ST8SIA6: variants seen among roughly 807,000 people sequenced by gnomAD.
The protein encoded by ST8SIA6 is ST8 alpha-N-acetyl-neuraminide alpha-2,8-sialyltransferase 6.
ST8SIA6 carries 39 observed loss-of-function variants against 33.6 expected under a neutral mutation model. The observed-to-expected ratio is 1.16, with a 90% CI of 0.90 to 1.52. ST8SIA6 has a LOEUF of 1.52. ST8SIA6 is among the 40% of genes most tolerant of loss of function. The pLI, the probability that ST8SIA6 is intolerant of heterozygous loss-of-function variation, is 0.00. For missense variants in ST8SIA6, 441 were observed against 443.8 expected (o/e 0.99, Z 0.06); for synonymous variants, 172 against 167.2 (o/e 1.03, Z -0.22).
chr10:17,418,854 G>T (rs75529707), intron 2 of ST8SIA6, among the ~76,000 whole-genome samples: 1 of 151,908 alleles, frequency 6.6e-6, no homozygotes, highest in Admixed American at 6.6e-5. Flanking sequence ...TTAGCCAAGC[G>T]TGGTGGCAGG....
rs1391420691 is a variant in ST8SIA6 at position 17,407,297 on chromosome 10, A to G, written c.201-16677T>C. 2.0e-5 allele frequency among the ~76,000 whole-genome samples: 3 copies of G among 152,186 alleles called. No individual in the cohort carries two copies. The East Asian group carries it at 5.8e-4, about 29-fold the overall frequency. ...CAGGAACTTGGGGCGGCCCCTGTCC[A>G]GTTCAAACCAGCTGAGACCACCAAC... is the stretch of plus-strand genomic sequence containing the variant. On this transcript the variant is annotated intron_variant, in intron 2 of 7. Coordinates refer to ENST00000377602, the MANE Select transcript of ST8SIA6 (RefSeq NM_001004470.3).
chr10:17,328,243 A>C (rs1848195094), intron 5 of ST8SIA6, among the ~76,000 whole-genome samples: 1 of 152,224 alleles, frequency 6.6e-6, no homozygotes, highest in African/African-American at 2.4e-5. Context: ...CTTCAGGCTC[A>C]GTAAGGCATT....
At chr10:17,414,397 C>T (rs909196061) in intron 2 of ST8SIA6, among the ~76,000 whole-genome samples, 1 of 152,200 alleles carries the variant, frequency 6.6e-6, no homozygotes, top group East Asian at 1.9e-4. Flanking sequence ...CTGCTGATGA[C>T]CTCACTTCAT....
rs1388617932 is a variant in ST8SIA6, at chr10:17,316,496, C to A, written c.*4382G>T. The stretch of plus-strand genomic sequence containing the variant: ...TTAATACTTGTTTTTTTGTGTGGAT[C>A]AGAACAGGTCCTCTTGGCTGTATAT... On this transcript the variant is annotated 3_prime_UTR_variant, in exon 8 of 8. Transcript: ENST00000377602. Among the ~76,000 whole-genome samples the A allele has an allele frequency of 6.6e-6, 1 of 152,018 alleles. No individual in the cohort carries two copies. The highest frequency in any genetic ancestry group is 1.5e-5 in the Non-Finnish European group (1 of 67,930).
intron 2 of ST8SIA6, among the ~76,000 whole-genome samples, chr10:17,432,407 G>T (rs1448820434): frequency 6.6e-6 from 1 of 152,174 alleles, no homozygotes; most frequent in Non-Finnish European, 1.5e-5. Flanking sequence ...GGAGGAGAAG[G>T]TCCTTTTCCA....
At chr10:17,396,585 C>G (rs376525878) in intron 2 of ST8SIA6, among the ~76,000 whole-genome samples, 4 of 152,298 alleles carry the variant, frequency 2.6e-5, no homozygotes, top group African/African-American at 9.6e-5. Context: ...TGCCTCCCCT[C>G]TCACAAAAGA....
intron 2 of ST8SIA6, among the ~76,000 whole-genome samples, chr10:17,423,920 G>T (rs558334127): frequency 3.7e-4 from 57 of 152,274 alleles, no homozygotes; most frequent in African/African-American, 1.4e-3. Context: ...CCTACCACGT[G>T]ACAGTTATTG....
At chr10:17,380,989 TTTTG>T (rs1451785164) in intron 3 of ST8SIA6, among the ~76,000 whole-genome samples, 1 of 151,918 alleles carries the variant, frequency 6.6e-6, no homozygotes, top group East Asian at 1.9e-4. Flanking sequence ...GAGGGGTTTT[TTTTG>T]TTTTTCTCTC....
chr10:17,331,449 C>CT lies in ST8SIA6; in HGVS notation c.480dup (p.Glu161ArgfsTer5). ...AAAATGTTCTTCTTAATTGGGATTT[C>CT]TTTTTTGCTTTCCACCTCGTAACTC... On this transcript the variant is annotated frameshift_variant, in exon 5 of 8. Transcript: ENST00000377602. LOFTEE classifies it high-confidence loss of function. The CT allele has an allele frequency of 1.2e-6, 2 of 1,613,456 alleles. No homozygotes were observed. Among genetic ancestry groups the CT allele is most frequent in the Non-Finnish European group, 1.7e-6 (2 of 1,179,784 alleles).
chr10:17,398,006 T>G (rs1253716782), intron 2 of ST8SIA6, among the ~76,000 whole-genome samples: 1 of 152,198 alleles, frequency 6.6e-6, no homozygotes, highest in Non-Finnish European at 1.5e-5. Context: ...GCTTAGAGAC[T>G]ACAATGGCTA....
At chr10:17,369,963 A>G (rs191329899) in intron 3 of ST8SIA6, among the ~76,000 whole-genome samples, 6 of 149,156 alleles carry the variant, frequency 4.0e-5, no homozygotes, top group Non-Finnish European at 8.9e-5. Context: ...GAATTGGATC[A>G]TGTTTTTAAT....
intron 7 of ST8SIA6, 63 bp from the exon 8 acceptor site, chr10:17,321,409 A>G (rs1847945654): frequency 7.5e-6 from 10 of 1,332,072 alleles, no homozygotes; most frequent in African/African-American, 1.5e-5. Flanking sequence ...CAGTTTTGAT[A>G]ACATAAAGCT....
intron 2 of ST8SIA6, among the ~76,000 whole-genome samples, chr10:17,430,800 A>T (rs1229460579): frequency 6.6e-6 from 1 of 152,114 alleles, no homozygotes; most frequent in Non-Finnish European, 1.5e-5. Context: ...TGACAGATGC[A>T]TAGTTTGCAA....
Position 17,402,951 on chromosome 10 carries a change from C to A in ST8SIA6, c.201-12331G>T, listed in dbSNP as rs540228404. Reference sequence around the variant, plus strand: ...AATAAAAAATAACAACAACAAAAGTCAAAGAAGTATGTGATCTCAACAGTG... The same window carrying A: ...AATAAAAAATAACAACAACAAAAGTAAAAGAAGTATGTGATCTCAACAGTG... On this transcript the variant is annotated intron_variant, in intron 2 of 7. Coordinates refer to ENST00000377602, the MANE Select transcript of ST8SIA6 (RefSeq NM_001004470.3). 6.0e-4 allele frequency among the ~76,000 whole-genome samples: 91 copies of A among 152,086 alleles called. 1 individual carries two copies. The highest frequency in any genetic ancestry group is 1.2e-3 in the Non-Finnish European group (79 of 68,000).
intron 2 of ST8SIA6, among the ~76,000 whole-genome samples, chr10:17,395,551 A>AT (rs1176904533): frequency 4.6e-5 from 7 of 152,194 alleles, no homozygotes; most frequent in Admixed American, 3.9e-4. Context: ...CAAAAAAAAA[A>AT]TTTTTTTAAT....
At chr10:17,443,577 A>C (rs889909413) in intron 2 of ST8SIA6, among the ~76,000 whole-genome samples, 7 of 152,256 alleles carry the variant, frequency 4.6e-5, no homozygotes, top group African/African-American at 1.7e-4. Flanking sequence ...AGAAATAATT[A>C]TGCCCATGGA....
intron 3 of ST8SIA6, among the ~76,000 whole-genome samples, chr10:17,362,561 A>G (rs904596871): frequency 7.2e-5 from 11 of 152,172 alleles, no homozygotes; most frequent in Non-Finnish European, 1.3e-4. Flanking sequence ...CAACGTTTCT[A>G]TAATAGCCTC....
At chr10:17,385,909 C>T (rs1850325246) in intron 3 of ST8SIA6, among the ~76,000 whole-genome samples, 1 of 152,180 alleles carries the variant, frequency 6.6e-6, no homozygotes, top group Admixed American at 6.5e-5. Flanking sequence ...CTCAGATTTT[C>T]TGGGTTCAAG....
At chr10:17,381,910 G>C (rs1850165139) in intron 3 of ST8SIA6, among the ~76,000 whole-genome samples, 1 of 152,164 alleles carries the variant, frequency 6.6e-6, no homozygotes, top group Non-Finnish European at 1.5e-5. Flanking sequence ...TATCGTCTTT[G>C]TTTCAAAGCT....
Sources: allele counts gnomAD v4.1 joint callset (sites outside exome capture counted in the v4.1 genomes callset), GRCh38; gene constraint gnomAD v4.1.1; transcripts MANE v1.5; gene names NCBI Gene and HGNC (gene_info 2026-07-23, HGNC 2026-07-21).